Variants in RYR2 observed in about 807,000 individuals in gnomAD.
RYR2 encodes ryanodine receptor 2, also known as cardiac muscle ryanodine receptor-calcium release channel.
In RYR2, 227 loss-of-function variants were observed where a neutral mutation model predicts 601.1. The ratio of observed to expected loss-of-function variants is 0.38; its 90% CI spans 0.34 to 0.42. The LOEUF (loss-of-function observed/expected upper bound fraction) is 0.42. Among genes scored for constraint, RYR2 ranks in the 10% least tolerant of loss-of-function variants. The pLI, the probability that RYR2 is intolerant of heterozygous loss-of-function variation, is 1.00. For missense variants in RYR2, 4,646 were observed against 6,156.5 expected (o/e 0.75, Z 8.21); for synonymous variants, 2,223 against 2,175.1 (o/e 1.02, Z -0.61).
At chr1:237,531,973 G>A (rs961787623) in intron 25 of RYR2, among the ~76,000 whole-genome samples, 2 of 151,884 alleles carry the variant, frequency 1.3e-5, no homozygotes, top group Non-Finnish European at 2.9e-5. Flanking sequence ...TTCTCCTACT[G>A]TATATTATGC....
chr1:237,805,097 C>T (rs1247031765), intron 98 of RYR2, among the ~76,000 whole-genome samples: 2 of 152,088 alleles, frequency 1.3e-5, no homozygotes, highest in African/African-American at 2.4e-5. Flanking sequence ...ATGAATAGCG[C>T]TGGGTTGAGA....
At chr1:237,045,934 G>A (rs1660548420) in intron 1 of RYR2, among the ~76,000 whole-genome samples, 1 of 117,278 alleles carries the variant, frequency 8.5e-6, no homozygotes, top group Non-Finnish European at 1.6e-5. Flanking sequence ...AAGCACAGTT[G>A]AGTTACCCTT....
intron 41 of RYR2, 58 bp from the exon 42 acceptor site, chr1:237,631,369 G>T: frequency 9.8e-7 from 1 of 1,019,830 alleles, no homozygotes; most frequent in Non-Finnish European, 1.5e-6. Context: ...TGAGGAACTT[G>T]GTTAACTATT....
rs375094411 is a variant in RYR2, at chr1:237,605,457, G to A, written c.4683+3346G>A. ...AAGAGCTATTTATGACAAACCCACA[G>A]CCAATATCATACTGAATGGGCAAAA... On this transcript the variant is annotated intron_variant, in intron 35 of 104. Transcript: ENST00000366574. Among the ~76,000 whole-genome samples the A allele has an allele frequency of 1.7e-4, 26 of 152,270 alleles. No individual in the cohort carries two copies. In the East Asian group the frequency reaches 4.8e-3, roughly 28 times the overall value.
chr1:237,393,103 G>C (rs1572116141), intron 10 of RYR2, among the ~76,000 whole-genome samples: 1 of 152,154 alleles, frequency 6.6e-6, no homozygotes, highest in Non-Finnish European at 1.5e-5. Context: ...CATGTGTGTG[G>C]TATGTTTTGT....
At chr1:237,750,084 T>G (rs1392352836) in intron 80 of RYR2, among the ~76,000 whole-genome samples, 2 of 152,094 alleles carry the variant, frequency 1.3e-5, no homozygotes, top group African/African-American at 4.8e-5. Context: ...AGGCGGAGGT[T>G]GCAGTGAGCC....
chr1:237,116,885 C>T (rs140092662), intron 1 of RYR2, among the ~76,000 whole-genome samples: 1 of 152,184 alleles, frequency 6.6e-6, no homozygotes, highest in South Asian at 2.1e-4. Flanking sequence ...GTAGGGCAGT[C>T]TCCTTTACTG....
At chr1:237,312,608 T>C (rs910403155) in intron 2 of RYR2, among the ~76,000 whole-genome samples, 4 of 152,238 alleles carry the variant, frequency 2.6e-5, no homozygotes, top group Non-Finnish European at 5.9e-5. Flanking sequence ...TTTCTCATTA[T>C]ACAAATATGT....
chr1:237,589,460 T>C (rs1240829200), intron 29 of RYR2, among the ~76,000 whole-genome samples: 1 of 152,162 alleles, frequency 6.6e-6, no homozygotes, highest in Non-Finnish European at 1.5e-5. Flanking sequence ...CATGCACTCC[T>C]GAGCAAGGAG....
rs748387463 is a variant in RYR2, at chr1:237,784,405, G to A, written c.12693G>A (p.Pro4231=). 5.0e-6 allele frequency: 8 copies of A among 1,613,750 alleles called. No individual in the cohort carries two copies. Among genetic ancestry groups the A allele is most frequent in the East Asian group, 4.5e-5 (2 of 44,854 alleles). ...AGGAGAGGCCGGAAGAGCAGGGGCC[G>A]AGGATGGCTTTCTTCTCCATTCTGA... ...SEKERPEEQG[P]RMAFFSILTV... is the part of the protein sequence containing the mutation. Residue 4231 remains proline, a synonymous_variant, in exon 90 of 105, where the codon CCG becomes CCA. Coordinates refer to ENST00000366574, the MANE Select transcript of RYR2 (RefSeq NM_001035.3). The surrounding 1 kb of genome is among the most constrained non-coding windows in gnomAD (Gnocchi z 7.1).
In RYR2 at chr1:237,303,109, C is replaced by T. The variant is rs141539824; in HGVS notation, c.169-27769C>T. ...CTGTTCATACCCTTTGCCCATTCTT[C>T]GAGTATTTGTCTTTTTTGGCATATA... On this transcript the variant is annotated intron_variant, in intron 2 of 104. Coordinates refer to ENST00000366574, the MANE Select transcript of RYR2 (RefSeq NM_001035.3). Among the ~76,000 whole-genome samples the T allele has an allele frequency of 5.3e-5, 8 of 152,084 alleles. 1 individual carries two copies. Among genetic ancestry groups the T allele is most frequent in the East Asian group, 3.9e-4 (2 of 5,166 alleles).
chr1:237,341,883 C>G (rs1481823494), intron 3 of RYR2, among the ~76,000 whole-genome samples: 1 of 152,170 alleles, frequency 6.6e-6, no homozygotes, highest in East Asian at 1.9e-4. Flanking sequence ...CGGTAATCCT[C>G]CATCCTCATT....
intron 56 of RYR2, among the ~76,000 whole-genome samples, chr1:237,661,986 C>T (rs1683846772): frequency 6.6e-6 from 1 of 151,980 alleles, no homozygotes; most frequent in East Asian, 1.9e-4. Context: ...TATTCTTTTC[C>T]TGACCCCTCA....
intron 70 of RYR2, among the ~76,000 whole-genome samples, chr1:237,710,699 G>GTAGATAGATAGA (rs56034841): frequency 0.15 from 22,658 of 150,436 alleles, 2,075 homozygotes; most frequent in African/African-American, 0.27. Flanking sequence ...GATTAGGTAT[G>GTAGATAGATAGA]TAGATAGATA....
chr1:237,394,724 T>C (rs1236081396), intron 10 of RYR2, among the ~76,000 whole-genome samples: 3 of 152,222 alleles, frequency 2.0e-5, no homozygotes, highest in African/African-American at 7.2e-5. Context: ...ATGTGCTGGG[T>C]ATGAAAACAT....
intron 1 of RYR2, among the ~76,000 whole-genome samples, chr1:237,142,563 A>T (rs903807989): frequency 6.6e-6 from 1 of 152,154 alleles, no homozygotes; most frequent in Non-Finnish European, 1.5e-5. Flanking sequence ...CTACAACCTG[A>T]CTGCTGCAGT....
In RYR2 at chr1:237,445,617, TAATA is replaced by T. The variant is rs747316193; in HGVS notation, c.1292+99_1292+102del. ...ACAATTTAAAAGTATGCTATGATGG[TAATA>T]AATCTCATACTGTTTGGTAAGTCAG... On this transcript the variant is annotated intron_variant, in intron 14 of 104. Coordinates refer to ENST00000366574, the MANE Select transcript of RYR2 (RefSeq NM_001035.3). The T allele has an allele frequency of 1.4e-4, 201 of 1,461,840 alleles. No homozygotes were observed. The East Asian group carries it at 1.6e-3, about 12-fold the overall frequency. The allele number at this position is 1,461,840 out of a possible 1,614,324, so 90.6% of individuals were successfully genotyped here.
chr1:237,686,782 G>A (rs902822947), intron 62 of RYR2, among the ~76,000 whole-genome samples: 1 of 152,106 alleles, frequency 6.6e-6, no homozygotes, highest in Non-Finnish European at 1.5e-5. Flanking sequence ...CTGCTCTGGA[G>A]CAGATAAGAA....
rs1208320069 is a variant in RYR2, at chr1:237,196,471, T to C, written c.49-74026T>C. On this transcript the variant is annotated intron_variant, in intron 1 of 104. Transcript: ENST00000366574. ...ATGTCTTTGAAAATTTTCTAGGTTT[T>C]ACTTTTCATAATTGCTTATTGACTC... 3.3e-5 allele frequency among the ~76,000 whole-genome samples: 5 copies of C among 152,218 alleles called. No homozygotes were observed. In the East Asian group the frequency reaches 9.6e-4, roughly 29 times the overall value.
Sources: allele counts gnomAD v4.1 joint callset (sites outside exome capture counted in the v4.1 genomes callset), GRCh38; gene constraint gnomAD v4.1.1; non-coding constraint Gnocchi (gnomAD v3.1); transcripts MANE v1.5; gene names NCBI Gene and HGNC (gene_info 2026-07-23, HGNC 2026-07-21).